The following NDST4 variants were observed in gnomAD, a reference collection of about 807,000 sequenced individuals.
NDST4 encodes N-deacetylase and N-sulfotransferase 4.
NDST4 carries 63 observed loss-of-function variants against 100.8 expected under a neutral mutation model. The observed-to-expected ratio is 0.62, with a 90% CI of 0.51 to 0.77. The LOEUF (loss-of-function observed/expected upper bound fraction) is 0.77. Among genes scored for constraint, NDST4 ranks in the 30% least tolerant of loss-of-function variants. The pLI, the probability that NDST4 is intolerant of heterozygous loss-of-function variation, is 0.00. For missense variants in NDST4, 943 were observed against 1,018.4 expected (o/e 0.93, Z 1.01); for synonymous variants, 377 against 361.8 (o/e 1.04, Z -0.48).
intron 6 of NDST4, among the ~76,000 whole-genome samples, chr4:114,875,006 C>A (rs1724228446): frequency 6.6e-6 from 1 of 152,102 alleles, no homozygotes; most frequent in African/African-American, 2.4e-5. Flanking sequence ...TGAAATATTG[C>A]AGCTCAGAGA....
In NDST4 at chr4:114,968,838, T is replaced by C. The variant is rs190949844; in HGVS notation, c.1221+1592A>G. 1.6e-3 allele frequency among the ~76,000 whole-genome samples: 248 copies of C among 152,238 alleles called. 1 individual carries two copies. Among genetic ancestry groups the C allele is most frequent in the Admixed American group, 3.8e-3 (58 of 15,288 alleles). Reference sequence around the variant, plus strand: ...AAGGTCACAATTTTCCAGCCCCTCGTCTAGAGCAAGTGATTCTTAGTGTAG... The same window carrying C: ...AAGGTCACAATTTTCCAGCCCCTCGCCTAGAGCAAGTGATTCTTAGTGTAG... On this transcript the variant is annotated intron_variant, in intron 4 of 13. Coordinates refer to ENST00000264363, the MANE Select transcript of NDST4 (RefSeq NM_022569.3).
intron 6 of NDST4, among the ~76,000 whole-genome samples, chr4:114,934,607 CAT>C (rs1257286532): frequency 4.6e-5 from 7 of 151,044 alleles, no homozygotes; most frequent in Admixed American, 2.6e-4. Flanking sequence ...AAGTTGAACT[CAT>C]AGATCCAGAG....
At chr4:115,106,486 G>A (rs181531634) in intron 1 of NDST4, among the ~76,000 whole-genome samples, 1 of 152,030 alleles carries the variant, frequency 6.6e-6, no homozygotes, top group Non-Finnish European at 1.5e-5. Flanking sequence ...GTATAAAATC[G>A]CATAGTATTT....
At chr4:115,042,291 T>G (rs950489799) in intron 2 of NDST4, among the ~76,000 whole-genome samples, 4 of 152,116 alleles carry the variant, frequency 2.6e-5, no homozygotes, top group Admixed American at 6.6e-5. Flanking sequence ...TGTCATCAGC[T>G]TCTGAGATCC....
intron 4 of NDST4, among the ~76,000 whole-genome samples, chr4:114,948,468 A>C (rs1219191239): frequency 6.6e-6 from 1 of 152,098 alleles, no homozygotes; most frequent in Non-Finnish European, 1.5e-5. Context: ...AATTAAATGA[A>C]TGATTTCATT....
chr4:115,080,122 A>G (rs1208073140), intron 1 of NDST4, among the ~76,000 whole-genome samples: 2 of 152,022 alleles, frequency 1.3e-5, no homozygotes, highest in East Asian at 1.9e-4. Context: ...CTCTATTTAC[A>G]AATTTTATTT....
chr4:115,064,634 T>C (rs1476197856), intron 2 of NDST4, among the ~76,000 whole-genome samples: 3 of 152,078 alleles, frequency 2.0e-5, no homozygotes. Context: ...TGAGGACTTA[T>C]TGTACCTACT....
intron 6 of NDST4, among the ~76,000 whole-genome samples, chr4:114,933,762 A>G (rs1725566652): frequency 6.6e-6 from 1 of 152,116 alleles, no homozygotes; most frequent in Non-Finnish European, 1.5e-5. Context: ...AAATCCTAAC[A>G]TCATTCATCA....
At chr4:114,906,742 T>A (rs1181233469) in intron 6 of NDST4, among the ~76,000 whole-genome samples, 15 of 152,064 alleles carry the variant, frequency 9.9e-5, no homozygotes, top group Admixed American at 6.6e-4. Context: ...TTAAAACATA[T>A]GAAGATATAT....
intron 2 of NDST4, among the ~76,000 whole-genome samples, chr4:115,027,692 G>A (rs1338148113): frequency 6.6e-6 from 1 of 152,026 alleles, no homozygotes; most frequent in Non-Finnish European, 1.5e-5. Context: ...TATCCTGTTG[G>A]AAACTTAAAT....
At chr4:114,915,557 A>G (rs1725151096) in intron 6 of NDST4, among the ~76,000 whole-genome samples, 1 of 152,202 alleles carries the variant, frequency 6.6e-6, no homozygotes, top group Admixed American at 6.5e-5. Context: ...TCTTAACAAT[A>G]GTTACCTTCC....
chr4:114,887,858 T>C (rs1724512122), intron 6 of NDST4, among the ~76,000 whole-genome samples: 1 of 152,174 alleles, frequency 6.6e-6, no homozygotes, highest in Non-Finnish European at 1.5e-5. Context: ...TTCAGGTTTT[T>C]CTTCACTGTC....
intron 2 of NDST4, among the ~76,000 whole-genome samples, chr4:115,036,937 A>C (rs1728245760): frequency 6.6e-6 from 1 of 152,058 alleles, no homozygotes; most frequent in Non-Finnish European, 1.5e-5. Context: ...AGCACAAGTT[A>C]GTTAAAATAT....
chr4:114,889,718 A>G (rs1480784882), intron 6 of NDST4, among the ~76,000 whole-genome samples: 1 of 152,182 alleles, frequency 6.6e-6, no homozygotes, highest in Non-Finnish European at 1.5e-5. Context: ...TTTCAGGGAG[A>G]CAGCCTTGAC....
intron 6 of NDST4, among the ~76,000 whole-genome samples, chr4:114,920,826 G>A (rs577531973): frequency 1.8e-4 from 27 of 152,272 alleles, no homozygotes; most frequent in African/African-American, 6.0e-4. Context: ...CAGACATGAA[G>A]AGTATCCTAT....
At chr4:114,838,404 G>T (rs1197764810) in intron 11 of NDST4, among the ~76,000 whole-genome samples, 2 of 152,102 alleles carry the variant, frequency 1.3e-5, no homozygotes, top group East Asian at 1.9e-4. Context: ...CAATAGCAAA[G>T]ACTTGGAACC....
At chr4:114,967,585 G>C (rs530542614) in intron 4 of NDST4, among the ~76,000 whole-genome samples, 13 of 152,018 alleles carry the variant, frequency 8.6e-5, no homozygotes, top group Non-Finnish European at 1.8e-4. Context: ...AATGAAGTGG[G>C]GGAAGTTTAA....
chr4:115,051,372 T>C (rs1177838652), intron 2 of NDST4, among the ~76,000 whole-genome samples: 5 of 152,074 alleles, frequency 3.3e-5, no homozygotes, highest in African/African-American at 1.2e-4. Flanking sequence ...ATTTAAGTAG[T>C]AATAACCACA....
intron 2 of NDST4, among the ~76,000 whole-genome samples, chr4:114,992,749 A>G (rs1384591445): frequency 6.6e-6 from 1 of 151,800 alleles, no homozygotes. Flanking sequence ...ATGCACATTT[A>G]TTTCACAGAT....
Sources: gnomAD v4.1 joint callset for allele counts (sites outside exome capture counted in the v4.1 genomes callset) on GRCh38, gnomAD v4.1.1 for gene constraint, MANE v1.5 for transcripts, NCBI Gene and HGNC (gene_info 2026-07-23, HGNC 2026-07-21) for gene names.